The following UBR7 variants were observed in gnomAD, a reference collection of about 807,000 sequenced individuals.
UBR7 encodes putative E3 ubiquitin-protein ligase UBR7.
A neutral mutation model predicts 57.0 loss-of-function variants in UBR7; 22 were observed. The observed-to-expected ratio is 0.39, with a 90% CI of 0.28 to 0.55. UBR7 has a LOEUF of 0.55. UBR7 is among the 20% of genes least tolerant of loss of function. UBR7 has a pLI of 0.69. For missense variants in UBR7, 395 were observed against 513.2 expected (o/e 0.77, Z 2.23); for synonymous variants, 167 against 179.8 (o/e 0.93, Z 0.57).
At chr14:93,223,530 T>C in intron 10 of UBR7, 1 of 644,362 alleles carries the variant, frequency 1.6e-6, no homozygotes, top group Non-Finnish European at 2.7e-6. Flanking sequence ...TTTTTCCTTT[T>C]TTTTCTTTTT....
At chr14:93,224,472 A>G (rs996682897) in intron 10 of UBR7, among the ~76,000 whole-genome samples, 2 of 140,346 alleles carry the variant, frequency 1.4e-5, no homozygotes, top group Non-Finnish European at 3.0e-5. Flanking sequence ...TGTGCCTCCC[A>G]GGTTCATGTC....
intron 4 of UBR7, among the ~76,000 whole-genome samples, chr14:93,214,315 C>G (rs1271716023): frequency 2.6e-5 from 4 of 152,080 alleles, no homozygotes; most frequent in Non-Finnish European, 5.9e-5. Context: ...AAGAAGCCTA[C>G]GATAGGAAAA....
intron 6 of UBR7, 93 bp downstream of exon 6, chr14:93,215,374 G>T: frequency 8.9e-7 from 1 of 1,120,156 alleles, no homozygotes; most frequent in East Asian, 2.6e-5. Flanking sequence ...TTTTAACTGG[G>T]CTCTGTGGTT....
In UBR7 at chr14:93,227,193, T is replaced by C; in HGVS notation, c.*158T>C. The C allele has an allele frequency of 1.5e-6, 1 of 650,480 alleles. No individual in the cohort carries two copies. The highest frequency in any genetic ancestry group is 2.8e-6 in the Non-Finnish European group (1 of 355,018). 40.3% of individuals were successfully genotyped at this position (650,480 alleles called of 1,614,324 possible). On this transcript the variant is annotated 3_prime_UTR_variant, in exon 11 of 11. Transcript: ENST00000013070. The stretch of plus-strand genomic sequence containing the variant: ...CTCTTTAGCTGCAGTAGCCACCGTG[T>C]GGATGCTGACTTCACAGCCAGCGTC...
In UBR7 at chr14:93,218,587, A is replaced by G. The variant is rs748146700; in HGVS notation, c.662A>G (p.Gln221Arg). ...LVRNIDGIGD[Q>R]EVIKPENGEH... is the part of the protein sequence containing the mutation. The stretch of plus-strand genomic sequence containing the variant: ...CGGAACATTGATGGAATAGGTGATC[A>G]GGAAGTTATCAAACCTGAAAATGGA... Residue 221 changes from glutamine to arginine, a missense_variant, in exon 7 of 11, where the codon CAG becomes CGG. Coordinates refer to ENST00000013070, the MANE Select transcript of UBR7 (RefSeq NM_175748.4). 6.8e-6 allele frequency: 11 copies of G among 1,614,050 alleles called. No individual in the cohort carries two copies. Among genetic ancestry groups the G allele is most frequent in the Non-Finnish European group, 8.5e-6 (10 of 1,180,058 alleles).
At chr14:93,223,713 C>T (rs753163358) in intron 10 of UBR7, 19 of 899,156 alleles carry the variant, frequency 2.1e-5, no homozygotes, top group South Asian at 4.1e-5. Context: ...GATGGCCGGC[C>T]GGCTGGCGGC....
rs192227606 is a variant in UBR7 at position 93,216,911 on chromosome 14, C to T, written c.602-1616C>T. On this transcript the variant is annotated intron_variant, in intron 6 of 10. Coordinates refer to ENST00000013070, the MANE Select transcript of UBR7 (RefSeq NM_175748.4). The stretch of plus-strand genomic sequence containing the variant: ...GATTACAGGCATGAGCCACCACGCC[C>T]GGCCAGTTTGCCTCAGAGTTCTTAA... Among the ~76,000 whole-genome samples the T allele has an allele frequency of 2.6e-5, 4 of 151,904 alleles. No individual in the cohort carries two copies. The East Asian group carries it at 7.8e-4, about 30-fold the overall frequency.
chr14:93,223,674 A>C, intron 10 of UBR7: 1 of 1,345,300 alleles, frequency 7.4e-7, no homozygotes, highest in African/African-American at 1.4e-5. Context: ...GGCAGCGGGA[A>C]ACTTGATCTT....
At chr14:93,217,928 T>G (rs1380834260) in intron 6 of UBR7, among the ~76,000 whole-genome samples, 1 of 150,744 alleles carries the variant, frequency 6.6e-6, no homozygotes, top group Non-Finnish European at 1.5e-5. Context: ...AAACCCCATC[T>G]CTACTAAAAA....
In UBR7 at chr14:93,209,940, T is replaced by C. The variant is rs1371402728; in HGVS notation, c.267T>C (p.Phe89=). ...AATGTCATGGAAGTCACAAACTATT[T>C]GAGCTATACACAAAAAGGTAAACAT... ...SYECHGSHKL[F]ELYTKRNFRC... is the part of the protein sequence containing the mutation. The change falls in exon 2 of 11, where the codon TTT becomes TTC. Residue 89 remains phenylalanine (F), a synonymous_variant. Coordinates refer to ENST00000013070, the MANE Select transcript of UBR7 (RefSeq NM_175748.4). The C allele has an allele frequency of 6.2e-7, 1 of 1,614,050 alleles. No homozygotes were observed. The highest frequency in any genetic ancestry group is 8.5e-7 in the Non-Finnish European group (1 of 1,179,966).
intron 10 of UBR7, chr14:93,223,767 A>G (rs1894767778): frequency 4.0e-6 from 3 of 749,810 alleles, no homozygotes; most frequent in Non-Finnish European, 7.2e-6. Context: ...TCTCGATGGA[A>G]TGGGCCCAGG....
Position 93,209,871 on chromosome 14 carries a change from A to G in UBR7, c.198A>G (p.Pro66=). The part of the protein sequence containing the change: ...QALYACSTCT[P]EGEEPAGICL... Reference sequence around the variant, plus strand: ...TATATGCCTGTAGTACCTGCACCCCAGAGGGAGAAGAACCAGCAGGAATTT... The same window carrying G: ...TATATGCCTGTAGTACCTGCACCCCGGAGGGAGAAGAACCAGCAGGAATTT... The change falls in exon 2 of 11, where the codon CCA becomes CCG. Residue 66 remains proline, a synonymous_variant. Transcript: ENST00000013070. The G allele has an allele frequency of 6.2e-7, 1 of 1,614,102 alleles. No individual in the cohort carries two copies. Among genetic ancestry groups the G allele is most frequent in the Non-Finnish European group, 8.5e-7 (1 of 1,179,980 alleles).
Position 93,227,493 on chromosome 14 carries a change from C to T in UBR7, c.*458C>T. Reference sequence around the variant, plus strand: ...CCCCTCGCCCCTATGATCGTGGTGCCTTGGGTCAAAGCTTCCTCAAGCCTG... The same window carrying T: ...CCCCTCGCCCCTATGATCGTGGTGCTTTGGGTCAAAGCTTCCTCAAGCCTG... On this transcript the variant is annotated 3_prime_UTR_variant, in exon 11 of 11. Transcript: ENST00000013070. 1.4e-6 allele frequency: 1 copy of T among 695,734 alleles called. No homozygotes were observed. Among genetic ancestry groups the T allele is most frequent in the East Asian group, 2.7e-5 (1 of 37,018 alleles). 43.1% of individuals were successfully genotyped at this position (695,734 alleles called of 1,614,324 possible).
chr14:93,215,850 T>C (rs1894580692), intron 6 of UBR7, among the ~76,000 whole-genome samples: 1 of 152,132 alleles, frequency 6.6e-6, no homozygotes, highest in Admixed American at 6.6e-5. Flanking sequence ...TTGAATGGGA[T>C]TTTGAAAGAT....
chr14:93,219,291 T>C lies in UBR7; in HGVS notation c.890T>C (p.Ile297Thr). Reference sequence around the variant, plus strand: ...CAGGAGCTTAAAGCTAAGCAGCTTATAAAGAAAGACACTGCCACCTATTGG... The same window carrying C: ...CAGGAGCTTAAAGCTAAGCAGCTTACAAAGAAAGACACTGCCACCTATTGG... The part of the protein sequence containing the change: ...KLQELKAKQL[I>T]KKDTATYWPL... The change falls in exon 8 of 11, where the codon ATA (isoleucine) becomes ACA (threonine). Residue 297 changes from isoleucine (I) to threonine (T), a missense_variant. Transcript: ENST00000013070. 2.5e-6 allele frequency: 4 copies of C among 1,614,180 alleles called. No homozygotes were observed. The highest frequency in any genetic ancestry group is 3.4e-6 in the Non-Finnish European group (4 of 1,180,042).
chr14:93,223,769 G>T, intron 10 of UBR7: 1 of 746,856 alleles, frequency 1.3e-6, no homozygotes, highest in African/African-American at 1.7e-5. Flanking sequence ...TCGATGGAAT[G>T]GGCCCAGGTG....
At chr14:93,208,789 T>C (rs1329128515) in intron 1 of UBR7, among the ~76,000 whole-genome samples, 1 of 152,154 alleles carries the variant, frequency 6.6e-6, no homozygotes, top group African/African-American at 2.4e-5. Flanking sequence ...ATACCTCTTA[T>C]ACATATTCAC....
At chr14:93,226,021 G>A (rs564511888) in intron 10 of UBR7, among the ~76,000 whole-genome samples, 3 of 152,338 alleles carry the variant, frequency 2.0e-5, no homozygotes, top group African/African-American at 7.2e-5. Context: ...GATGTGTTCA[G>A]CCTCTGCATC....
chr14:93,220,222 CTTTTTTTT>C lies in UBR7; in HGVS notation c.961-16_961-9del. The C allele has an allele frequency of 2.1e-6, 3 of 1,452,236 alleles. No homozygotes were observed. Among genetic ancestry groups the C allele is most frequent in the African/African-American group, 1.6e-5 (1 of 63,028 alleles). The allele number at this position is 1,452,236 out of a possible 1,614,324, so 90.0% of individuals were successfully genotyped here. A position where few individuals can be genotyped will look rare whatever the true frequency, so the allele number is the denominator to read the frequency against. ...AGTTCTAATGGGGAAACTCCTCTTT[CTTTTTTTT>C]TTTTTTTTTTCCCTAAAGAAAATGT... On this transcript the variant is annotated intron_variant, in intron 8 of 10. Coordinates refer to ENST00000013070, the MANE Select transcript of UBR7 (RefSeq NM_175748.4).
Sources: allele counts gnomAD v4.1 joint callset (sites outside exome capture counted in the v4.1 genomes callset), GRCh38; gene constraint gnomAD v4.1.1; transcripts MANE v1.5; gene names NCBI Gene and HGNC (gene_info 2026-07-23, HGNC 2026-07-21).